Variants in SMU1 observed in about 807,000 individuals in gnomAD.
SMU1 encodes the protein WD40 repeat-containing protein SMU1.
In SMU1, 2 loss-of-function variants were observed where a neutral mutation model predicts 62.0. The observed-to-expected ratio is 0.03, with a 90% CI of 0.01 to 0.10. The LOEUF is 0.10. SMU1 is among the 10% of genes least tolerant of loss of function. The pLI, the probability that SMU1 is intolerant of heterozygous loss-of-function variation, is 1.00. For synonymous variants in SMU1, 188 were observed against 212.4 expected, an observed-to-expected ratio of 0.89 and a Z score of 1.00; for missense variants, 227 against 622.1, an observed-to-expected ratio of 0.36 and a Z score of 6.76.
intron 2 of SMU1, 68 bp downstream of exon 2, chr9:33,073,528 G>A (rs1839510251): frequency 7.0e-6 from 8 of 1,135,496 alleles, no homozygotes; most frequent in Middle Eastern, 2.8e-4. Context: ...GCTCACTGAC[G>A]CTTTTTAGTT....
intron 1 of SMU1, among the ~76,000 whole-genome samples, chr9:33,075,061 C>G (rs1839530343): frequency 1.3e-5 from 2 of 152,048 alleles, no homozygotes; most frequent in Non-Finnish European, 2.9e-5. Context: ...GTGTGAGCCA[C>G]CGCACCTGGC....
intron 4 of SMU1, among the ~76,000 whole-genome samples, chr9:33,066,604 G>A (rs1467290611): frequency 2.0e-5 from 3 of 151,116 alleles, no homozygotes; most frequent in South Asian, 2.1e-4. Flanking sequence ...TCAAGAGATC[G>A]AGACCATCCT....
rs914161073 is a variant in SMU1 at position 33,073,557 on chromosome 9, G to A, written c.237+39C>T. The stretch of plus-strand genomic sequence containing the variant: ...TTTAGTTGGGGAGCTGGCCCACAAC[G>A]AACCAACCCATGGGGATCAGCATCA... On this transcript the variant is annotated intron_variant, in intron 2 of 11. Transcript: ENST00000397149. 1.7e-5 allele frequency: 27 copies of A among 1,543,854 alleles called. No individual in the cohort carries two copies. In the Admixed American group the frequency reaches 3.5e-4, roughly 20 times the overall value.
At chr9:33,064,558 G>A (rs377083502) in intron 4 of SMU1, among the ~76,000 whole-genome samples, 3 of 152,102 alleles carry the variant, frequency 2.0e-5, no homozygotes, top group East Asian at 1.9e-4. Context: ...ATTGTCATCC[G>A]TGGAATTATT....
intron 10 of SMU1, among the ~76,000 whole-genome samples, chr9:33,052,654 C>A (rs1839263233): frequency 6.6e-6 from 1 of 152,200 alleles, no homozygotes; most frequent in African/African-American, 2.4e-5. Flanking sequence ...ACTTCACAGT[C>A]CACAAAAGTG....
At chr9:33,059,440 A>G (rs1393577956) in intron 6 of SMU1, among the ~76,000 whole-genome samples, 1 of 151,620 alleles carries the variant, frequency 6.6e-6, no homozygotes, top group Non-Finnish European at 1.5e-5. Context: ...ACCCCTTGAA[A>G]AAAAAATTTG....
intron 9 of SMU1, among the ~76,000 whole-genome samples, chr9:33,055,887 A>T (rs574197664): frequency 6.6e-6 from 1 of 152,334 alleles, no homozygotes; most frequent in Non-Finnish European, 1.5e-5. Context: ...TTTCCTACAC[A>T]TGATAAAGTT....
chr9:33,051,104 GA>G (rs1839242700), intron 10 of SMU1, among the ~76,000 whole-genome samples: 1 of 66,536 alleles, frequency 1.5e-5, no homozygotes, highest in Non-Finnish European at 3.6e-5. Flanking sequence ...CTGGGCGACA[GA>G]GCGAGACTCT....
rs998373998 is a variant in SMU1, at chr9:33,042,992, T to A, written c.*4301A>T. ...CTGGGACTACAGGCGTGTGCCACCA[T>A]GCCCGGCTAATTTTGTATCCTTAGT... On this transcript the variant is annotated 3_prime_UTR_variant, in exon 12 of 12. Transcript: ENST00000397149. The A allele has an allele frequency of 6.6e-6, 1 of 152,278 alleles. No individual in the cohort carries two copies. Among genetic ancestry groups the A allele is most frequent in the African/African-American group, 2.4e-5 (1 of 41,442 alleles). 9.4% of individuals were successfully genotyped at this position (152,278 alleles called of 1,614,324 possible).
At position 33,044,120 on chromosome 9, in the gene SMU1, G is replaced by A. The variant is rs1839155923; in HGVS notation, c.*3173C>T. 2 of 151,860 alleles carry A rather than the reference G, an allele frequency of 1.3e-5. No homozygotes were observed. The highest frequency in any genetic ancestry group is 4.2e-4 in the South Asian group (2 of 4,818). The allele number at this position is 151,860 out of a possible 1,614,324, so 9.4% of individuals were successfully genotyped here. A position where few individuals can be genotyped will look rare whatever the true frequency, so the allele number is the denominator to read the frequency against. ...TTATGCTCATGGAATTAATTTTAAC[G>A]CCAGGTAGTTTAGCTTCTATGTTAA... On this transcript the variant is annotated 3_prime_UTR_variant, in exon 12 of 12. Coordinates refer to ENST00000397149, the MANE Select transcript of SMU1 (RefSeq NM_018225.3).
At chr9:33,047,992 A>AT (rs1315996814) in intron 11 of SMU1, 114 bp downstream of exon 11, 1 of 895,474 alleles carries the variant, frequency 1.1e-6, no homozygotes, top group African/African-American at 1.7e-5. Flanking sequence ...TTAAAACAAC[A>AT]TATTTTATAC....
chr9:33,046,549 G>A lies in SMU1; in HGVS notation c.*744C>T, dbSNP rs115591921. The stretch of plus-strand genomic sequence containing the variant: ...GCATTTATGTACATTTTAGAACAAA[G>A]TCTCCAGAAAGGTATAAAGTTTATT... On this transcript the variant is annotated 3_prime_UTR_variant, in exon 12 of 12. Coordinates refer to ENST00000397149, the MANE Select transcript of SMU1 (RefSeq NM_018225.3). The A allele has an allele frequency of 1.4e-3, 198 of 142,358 alleles. No homozygotes were observed. Among genetic ancestry groups the A allele is most frequent in the African/African-American group, 4.9e-3 (186 of 38,190 alleles). The allele number at this position is 142,358 out of a possible 1,614,324, so 8.8% of individuals were successfully genotyped here.
At chr9:33,053,384 A>G in intron 9 of SMU1, 94 bp from the exon 10 acceptor site, 8 of 1,262,410 alleles carry the variant, frequency 6.3e-6, no homozygotes, top group Non-Finnish European at 8.7e-6. Flanking sequence ...CTAAAAAAGA[A>G]TAGAAATGAT....
chr9:33,057,200 C>T (rs555020863), intron 7 of SMU1, among the ~76,000 whole-genome samples: 1 of 152,300 alleles, frequency 6.6e-6, no homozygotes, highest in Admixed American at 6.5e-5. Context: ...TCTAAGTTCA[C>T]TTAGCAGAGA....
intron 10 of SMU1, 30 bp downstream of exon 10, chr9:33,053,093 C>G: frequency 6.2e-7 from 1 of 1,602,142 alleles, no homozygotes; most frequent in Non-Finnish European, 8.5e-7. Flanking sequence ...GCCCACAGTT[C>G]CTGTGCAAGG....
chr9:33,057,043 A>G, intron 7 of SMU1, 79 bp from the exon 8 acceptor site: 1 of 1,464,440 alleles, frequency 6.8e-7, no homozygotes, highest in South Asian at 1.2e-5. Flanking sequence ...GCCAAGCAAG[A>G]TGCAATGCTC....
Position 33,062,153 on chromosome 9 carries a change from C to T in SMU1, c.526G>A (p.Gly176Arg). ...ATGGTCATACCAGGAGGAAGCAATC[C>T]CTGATGCTGCTGCCACTTCAGTGCC... is the stretch of plus-strand genomic sequence containing the variant. ...GQALKWQQHQ[G>R]LLPPGMTIDL... The change falls in exon 5 of 12, where the codon GGA becomes AGA. Residue 176 changes from glycine (G) to arginine (R), a missense_variant. Physicochemically the swap from Gly to Arg is moderately radical, Grantham distance 125. Around this residue, in one of 5 missense-constraint regions of SMU1, gnomAD observed 99 missense variants for 270.3 expected, o/e 0.37. Transcript: ENST00000397149. 1.2e-6 allele frequency: 2 copies of T among 1,613,682 alleles called. No individual in the cohort carries two copies. The highest frequency in any genetic ancestry group is 1.7e-6 in the Non-Finnish European group (2 of 1,179,814).
intron 4 of SMU1, among the ~76,000 whole-genome samples, chr9:33,065,237 C>A (rs1441908095): frequency 6.6e-6 from 1 of 152,192 alleles, no homozygotes; most frequent in African/African-American, 2.4e-5. Flanking sequence ...AAAAACGGAT[C>A]ATTTCCCCTA....
chr9:33,074,362 G>A (rs1839518865), intron 1 of SMU1, among the ~76,000 whole-genome samples: 1 of 151,980 alleles, frequency 6.6e-6, no homozygotes, highest in South Asian at 2.1e-4. Flanking sequence ...TACTTGGGAT[G>A]TTGATGTGGG....
Sources: gnomAD v4.1 joint callset for allele counts (sites outside exome capture counted in the v4.1 genomes callset) on GRCh38, gnomAD v4.1.1 for gene constraint, gnomAD v4.1.1 regional missense constraint, MANE v1.5 for transcripts, NCBI Gene and HGNC (gene_info 2026-07-23, HGNC 2026-07-21) for gene names.